The following PRR14L variants were observed in gnomAD, a reference collection of about 807,000 sequenced individuals.
PRR14L encodes the protein protein PRR14L.
A neutral mutation model predicts 155.0 loss-of-function variants in PRR14L; 80 were observed. The observed-to-expected ratio is 0.52, with a 90% CI of 0.43 to 0.62. The LOEUF is 0.62. PRR14L is among the 20% of genes least tolerant of loss of function. The pLI, the probability that PRR14L is intolerant of heterozygous loss-of-function variation, is 0.00. For missense variants in PRR14L, 2,469 were observed against 2,548.0 expected (o/e 0.97, Z 0.67); for synonymous variants, 883 against 916.0 (o/e 0.96, Z 0.65).
At chr22:31,736,097 T>C (rs1203746262) in intron 2 of PRR14L, among the ~76,000 whole-genome samples, 2 of 148,132 alleles carry the variant, frequency 1.4e-5, no homozygotes, top group Non-Finnish European at 3.0e-5. Context: ...TGCATGCCTG[T>C]AGTCCCAGCT....
Position 31,685,450 on chromosome 22 carries a change from C to CAAAA in PRR14L, c.*73_*76dup. 8 of 1,105,788 alleles carry CAAAA rather than the reference C, an allele frequency of 7.2e-6. No individual in the cohort carries two copies. The highest frequency in any genetic ancestry group is 9.8e-6 in the Non-Finnish European group (8 of 816,280). 68.5% of individuals were successfully genotyped at this position (1,105,788 alleles called of 1,614,324 possible). A position where few individuals can be genotyped will look rare whatever the true frequency, so the allele number is the denominator to read the frequency against. On this transcript the variant is annotated 3_prime_UTR_variant, in exon 9 of 9. Transcript: ENST00000327423. ...TTAGGCAACCTTTTCCAAGGAGGTC[C>CAAAA]AAAAAAAAAAAAAAAACCCAAAAAC...
At chr22:31,732,988 C>CTTT (rs131247) in intron 2 of PRR14L, among the ~76,000 whole-genome samples, 10 of 140,796 alleles carry the variant, frequency 7.1e-5, no homozygotes, top group African/African-American at 1.6e-4. Flanking sequence ...AGAAGTGTAT[C>CTTT]TTTTTTTTTT....
At chr22:31,722,930 G>A (rs544144943) in intron 3 of PRR14L, among the ~76,000 whole-genome samples, 2 of 152,310 alleles carry the variant, frequency 1.3e-5, no homozygotes, top group South Asian at 2.1e-4. Context: ...AGAAGAGAAC[G>A]TGGGTCTATT....
Position 31,733,230 on chromosome 22 carries a change from A to T in PRR14L, c.474+5157T>A, listed in dbSNP as rs914981020. 6.1e-5 allele frequency among the ~76,000 whole-genome samples: 9 copies of T among 148,208 alleles called. 1 individual carries two copies. The highest frequency in any genetic ancestry group is 2.2e-4 in the African/African-American group (9 of 40,032). On this transcript the variant is annotated intron_variant, in intron 2 of 8. Coordinates refer to ENST00000327423, the MANE Select transcript of PRR14L (RefSeq NM_173566.3). ...TCTCGAACTCCTGACCTCAGACCTC[A>T]GGCAATCCACCCATTTCGTACTCGC...
intron 1 of PRR14L, among the ~76,000 whole-genome samples, chr22:31,741,459 T>C (rs2074812755): frequency 1.3e-5 from 2 of 149,700 alleles, no homozygotes; most frequent in East Asian, 2.0e-4. Context: ...AAGACTCCCA[T>C]CTCAAAGAAA....
chr22:31,715,584 T>C lies in PRR14L; in HGVS notation c.2255A>G (p.Lys752Arg), dbSNP rs1257242084. The C allele has an allele frequency of 6.4e-7, 1 of 1,552,026 alleles. No homozygotes were observed. The highest frequency in any genetic ancestry group is 2.0e-5 in the Admixed American group (1 of 51,004). The change falls in exon 4 of 9, where the codon AAA becomes AGA. Residue 752 changes from lysine (K) to arginine (R), a missense_variant. Physicochemically the swap from Lys to Arg is conservative, Grantham distance 26. This residue lies in a region of PRR14L where 2,363 missense variants were observed against 2,371.6 expected (regional missense o/e 1.00). Transcript: ENST00000327423. ...TGAGCGCAGCCTGGAATGTAGAGCT[T>C]TTGTTCCTGAATCAGCCATTTCCTT... is the stretch of plus-strand genomic sequence containing the variant. ...RKKEMADSGT[K>R]ALHSRLRSNK... is the part of the protein sequence containing the mutation.
At chr22:31,744,034 AAAAG>A (rs1261549123) in intron 1 of PRR14L, among the ~76,000 whole-genome samples, 1 of 151,768 alleles carries the variant, frequency 6.6e-6, no homozygotes, top group African/African-American at 2.4e-5. Flanking sequence ...AAAAAAAAAA[AAAAG>A]ACAGGGTCTT....
chr22:31,724,042 T>C (rs131235), intron 3 of PRR14L, among the ~76,000 whole-genome samples: 13,181 of 152,174 alleles, frequency 0.087, 651 homozygotes, highest in Admixed American at 0.15. Context: ...TATATTCTCA[T>C]AGGAGCGTGG....
At chr22:31,698,643 G>A (rs1157871617) in intron 7 of PRR14L, among the ~76,000 whole-genome samples, 1 of 151,954 alleles carries the variant, frequency 6.6e-6, no homozygotes, top group Non-Finnish European at 1.5e-5. Context: ...TAAAGTGGCT[G>A]GGCACGGTGG....
intron 7 of PRR14L, among the ~76,000 whole-genome samples, chr22:31,700,056 G>A (rs1420487227): frequency 6.6e-6 from 1 of 152,030 alleles, no homozygotes; most frequent in Non-Finnish European, 1.5e-5. Flanking sequence ...TTCTCGGTCT[G>A]CGCCAGACAC....
At chr22:31,708,208 T>A (rs572722296) in intron 4 of PRR14L, among the ~76,000 whole-genome samples, 1 of 152,136 alleles carries the variant, frequency 6.6e-6, no homozygotes, top group Non-Finnish European at 1.5e-5. Context: ...CAGCAATTCA[T>A]CTTTCAATTC....
chr22:31,712,398 T>C lies in PRR14L; in HGVS notation c.5441A>G (p.Asp1814Gly), dbSNP rs1396258812. 1 of 1,593,158 alleles carries C rather than the reference T, an allele frequency of 6.3e-7. No homozygotes were observed. Among genetic ancestry groups the C allele is most frequent in the Admixed American group, 1.8e-5 (1 of 55,154 alleles). ...GGTAIVQTRA[D>G]CSVLGLHTLL... ...TGTGTGAAGGCCAAGGACAGAGCAGTCTGCTCTGGTCTGGACTATGGCAGT... is the reference window on the plus strand; with the variant it reads ...TGTGTGAAGGCCAAGGACAGAGCAGCCTGCTCTGGTCTGGACTATGGCAGT... Residue 1814 changes from aspartate to glycine, a missense_variant, in exon 4 of 9, where the codon GAC becomes GGC. By Grantham distance (94) the Asp-to-Gly change is moderately conservative. Transcript: ENST00000327423.
At chr22:31,747,162 G>A (rs1330194262) in intron 1 of PRR14L, among the ~76,000 whole-genome samples, 2 of 149,092 alleles carry the variant, frequency 1.3e-5, no homozygotes, top group Non-Finnish European at 3.0e-5. Context: ...CCAGGCTGGA[G>A]TGCAACAGCA....
At chr22:31,691,259 T>C (rs534217028) in intron 7 of PRR14L, among the ~76,000 whole-genome samples, 36 of 152,192 alleles carry the variant, frequency 2.4e-4, no homozygotes, top group Admixed American at 2.2e-3. Flanking sequence ...GTCGGGCTAA[T>C]TTTTAAAAAC....
At chr22:31,718,300 G>C (rs777562347) in intron 3 of PRR14L, among the ~76,000 whole-genome samples, 1 of 148,310 alleles carries the variant, frequency 6.7e-6, no homozygotes, top group African/African-American at 2.5e-5. Flanking sequence ...TTGTCGCCCA[G>C]GCTGGAGTGC....
chr22:31,725,210 C>A (rs533105923), intron 3 of PRR14L, among the ~76,000 whole-genome samples: 65 of 152,106 alleles, frequency 4.3e-4, no homozygotes, highest in Admixed American at 1.4e-3. Context: ...GCCTAGGCAA[C>A]ATGGTGAGAC....
At position 31,716,387 on chromosome 22, in the gene PRR14L, T is replaced by A. The variant is rs1486006636; in HGVS notation, c.1452A>T (p.Gln484His). 1 of 1,550,356 alleles carries A rather than the reference T, an allele frequency of 6.5e-7. No individual in the cohort carries two copies. Among genetic ancestry groups the A allele is most frequent in the Non-Finnish European group, 8.7e-7 (1 of 1,146,404 alleles). Residue 484 changes from glutamine to histidine, a missense_variant, in exon 4 of 9, where the codon CAA becomes CAT. Coordinates refer to ENST00000327423, the MANE Select transcript of PRR14L (RefSeq NM_173566.3). ...KNDLKITVHV[Q>H]GNLTNPEDHK... ...GGTCCTCAGGGTTTGTCAAGTTACC[T>A]TGAACGTGTACAGTAATTTTCAAAT...
At chr22:31,742,024 A>G (rs889751356) in intron 1 of PRR14L, among the ~76,000 whole-genome samples, 2 of 152,192 alleles carry the variant, frequency 1.3e-5, no homozygotes, top group Non-Finnish European at 2.9e-5. Context: ...GTTAGTAGAG[A>G]TAACGTGGAG....
At chr22:31,687,522 T>C (rs915196086) in intron 8 of PRR14L, among the ~76,000 whole-genome samples, 1 of 150,708 alleles carries the variant, frequency 6.6e-6, no homozygotes, top group Admixed American at 6.6e-5. Context: ...CCCGGCTAAT[T>C]TTTTGTATTT....
Sources: gnomAD v4.1 joint callset for allele counts (sites outside exome capture counted in the v4.1 genomes callset) on GRCh38, gnomAD v4.1.1 for gene constraint, gnomAD v4.1.1 regional missense constraint, MANE v1.5 for transcripts, NCBI Gene and HGNC (gene_info 2026-07-23, HGNC 2026-07-21) for gene names.